STXBP5: variants seen among roughly 807,000 people sequenced by gnomAD.
STXBP5 encodes syntaxin binding protein 5, also known as syntaxin-binding protein 5.
Under a neutral mutation model 152.4 loss-of-function variants are expected in STXBP5, and 50 were observed. The ratio of observed to expected loss-of-function variants is 0.33; its 90% confidence interval spans 0.26 to 0.42. STXBP5 has a LOEUF of 0.42. Ranked by LOEUF, STXBP5 falls within the 10% of genes least tolerant of loss-of-function variation. The probability of loss-of-function intolerance (pLI) is 1.00; values close to 1 mark genes in which losing one functional copy is unlikely to be tolerated. For synonymous variants in STXBP5, 492 were observed against 494.7 expected, an observed-to-expected ratio of 0.99 and a Z score of 0.07; for missense variants, 1,167 against 1,388.6, an observed-to-expected ratio of 0.84 and a Z score of 2.54.
rs967222607 is a variant in STXBP5, at chr6:147,384,856, T to C, written c.*101T>C. On this transcript the variant is annotated 3_prime_UTR_variant, in exon 28 of 28. Coordinates refer to ENST00000321680, the MANE Select transcript of STXBP5 (RefSeq NM_001127715.4). ...TTAACGTTAAAGGGATGTTCGTCAC[T>C]GAATACTGTTCTTTCCTAGCACAGT... The C allele has an allele frequency of 1.8e-5, 21 of 1,184,558 alleles. No homozygotes were observed. The African/African-American group carries it at 3.1e-4, about 17-fold the overall frequency. 73.4% of individuals were successfully genotyped at this position (1,184,558 alleles called of 1,614,324 possible).
chr6:147,260,814 CA>C, intron 5 of STXBP5, 65 bp downstream of exon 5: 1 of 1,516,646 alleles, frequency 6.6e-7, no homozygotes, highest in Non-Finnish European at 8.9e-7. Context: ...ACCGTTACAT[CA>C]TAGCCAATCA....
chr6:147,302,356 C>T (rs77234195), intron 9 of STXBP5, among the ~76,000 whole-genome samples: 5,387 of 152,154 alleles, frequency 0.035, 147 homozygotes, highest in Admixed American at 0.054. Flanking sequence ...CAGCATAATA[C>T]GCTCTGAGGC....
chr6:147,317,692 C>T (rs1388057324), intron 16 of STXBP5, among the ~76,000 whole-genome samples: 2 of 152,188 alleles, frequency 1.3e-5, no homozygotes, highest in Non-Finnish European at 2.9e-5. Context: ...TCTTTCTCTC[C>T]TCTCCCTCTC....
Position 147,233,536 on chromosome 6 carries a change from C to A in STXBP5, c.249-1714C>A, listed in dbSNP as rs183516773. 1.6e-3 allele frequency among the ~76,000 whole-genome samples: 246 copies of A among 151,702 alleles called. 2 individuals carry two copies. Among genetic ancestry groups the A allele is most frequent in the Non-Finnish European group, 3.7e-4 (25 of 67,636 alleles). ...ACTCACTTAAAAAAATCAACTTATT[C>A]ATTGATTCCGATCTGGTCTCAGAAG... is the stretch of plus-strand genomic sequence containing the variant. On this transcript the variant is annotated intron_variant, in intron 2 of 27. Coordinates refer to ENST00000321680, the MANE Select transcript of STXBP5 (RefSeq NM_001127715.4).
chr6:147,273,996 C>G (rs1780317487), intron 7 of STXBP5, among the ~76,000 whole-genome samples: 1 of 151,538 alleles, frequency 6.6e-6, no homozygotes, highest in Non-Finnish European at 1.5e-5. Context: ...GCTCACAGCA[C>G]AGGAATCATA....
chr6:147,352,037 T>G (rs1214834104), intron 21 of STXBP5: 2 of 196,586 alleles, frequency 1.0e-5, no homozygotes, highest in African/African-American at 4.7e-5. Flanking sequence ...TAGATATAGT[T>G]GAACAACGCC....
At chr6:147,252,374 G>A (rs1320510519) in intron 4 of STXBP5, among the ~76,000 whole-genome samples, 3 of 152,000 alleles carry the variant, frequency 2.0e-5, no homozygotes, top group Non-Finnish European at 2.9e-5. Flanking sequence ...CCAGTTTAGC[G>A]AAGAACATAA....
chr6:147,212,261 A>G (rs1480407359), intron 2 of STXBP5, among the ~76,000 whole-genome samples: 4 of 152,254 alleles, frequency 2.6e-5, no homozygotes. Flanking sequence ...TGGAGATTCA[A>G]GTCCGTGCTT....
At chr6:147,243,908 G>GTT (rs760087376) in intron 4 of STXBP5, among the ~76,000 whole-genome samples, 2 of 151,808 alleles carry the variant, frequency 1.3e-5, no homozygotes, top group Non-Finnish European at 2.9e-5. Flanking sequence ...GCAATTTACT[G>GTT]TATTTAAGTA....
intron 4 of STXBP5, among the ~76,000 whole-genome samples, chr6:147,257,115 T>C (rs1274542749): frequency 1.3e-5 from 2 of 151,790 alleles, no homozygotes; most frequent in Non-Finnish European, 2.9e-5. Flanking sequence ...CCCAGTAACA[T>C]GATTTGTAAG....
intron 22 of STXBP5, 44 bp from the exon 23 acceptor site, chr6:147,359,040 C>T (rs117319597): frequency 0.011 from 17,073 of 1,585,584 alleles, 139 homozygotes; most frequent in Non-Finnish European, 0.012. Flanking sequence ...CAAATAACTT[C>T]TTTTATAACT....
chr6:147,208,817 A>G (rs1405750123), intron 2 of STXBP5, among the ~76,000 whole-genome samples: 1 of 152,160 alleles, frequency 6.6e-6, no homozygotes, highest in Non-Finnish European at 1.5e-5. Context: ...AAGAAGAAAG[A>G]TATATCTGAT....
chr6:147,305,114 T>C (rs1782021733), intron 9 of STXBP5, among the ~76,000 whole-genome samples: 1 of 152,184 alleles, frequency 6.6e-6, no homozygotes, highest in Admixed American at 6.5e-5. Flanking sequence ...AGAGTTCCTG[T>C]GTGCTAAATG....
intron 2 of STXBP5, among the ~76,000 whole-genome samples, chr6:147,218,305 C>CA (rs1209069128): frequency 6.6e-6 from 1 of 152,122 alleles, no homozygotes; most frequent in East Asian, 1.9e-4. Context: ...AGAATATTCT[C>CA]ACTCTGCAGA....
intron 25 of STXBP5, among the ~76,000 whole-genome samples, chr6:147,373,219 A>T (rs910937919): frequency 6.6e-6 from 1 of 151,778 alleles, no homozygotes; most frequent in Non-Finnish European, 1.5e-5. Context: ...TACAATAATT[A>T]CCCAGGCATG....
At chr6:147,341,002 G>A (rs1276868635) in intron 21 of STXBP5, among the ~76,000 whole-genome samples, 2 of 152,044 alleles carry the variant, frequency 1.3e-5, no homozygotes, top group African/African-American at 4.8e-5. Flanking sequence ...AATTTTGGTA[G>A]TACAGTTATG....
rs777934074 is a variant in STXBP5 at position 147,314,305 on chromosome 6, A to G, written c.1335A>G (p.Gln445=). 1.2e-6 allele frequency: 2 copies of G among 1,612,624 alleles called. No homozygotes were observed. Among genetic ancestry groups the G allele is most frequent in the Non-Finnish European group, 1.7e-6 (2 of 1,178,774 alleles). ...GAGGTAATTGGGGCTTGGGTGCTCA[A>G]AGTTACCCAGAAATAATTATTACAG... is the stretch of plus-strand genomic sequence containing the variant. ...INGGNWGLGA[Q]SYPEIIITGH... is the part of the protein sequence containing the mutation. Residue 445 remains glutamine, a synonymous_variant, in exon 13 of 28, where the codon CAA becomes CAG. Transcript: ENST00000321680.
intron 6 of STXBP5, among the ~76,000 whole-genome samples, chr6:147,265,671 A>C (rs1201934296): frequency 3.3e-5 from 5 of 152,022 alleles, no homozygotes; most frequent in Non-Finnish European, 2.9e-5. Context: ...CTGGGGGTAC[A>C]CTGTGGTACA....
intron 2 of STXBP5, among the ~76,000 whole-genome samples, chr6:147,233,469 A>C (rs750726471): frequency 8.6e-5 from 13 of 151,816 alleles, no homozygotes; most frequent in African/African-American, 4.8e-5. Flanking sequence ...ATGTTTTGTG[A>C]TAATATTACA....
Sources: gnomAD v4.1 joint callset for allele counts (sites outside exome capture counted in the v4.1 genomes callset) on GRCh38, gnomAD v4.1.1 for gene constraint, MANE v1.5 for transcripts, NCBI Gene and HGNC (gene_info 2026-07-23, HGNC 2026-07-21) for gene names.